LRRK1: variants seen among roughly 807,000 people sequenced by gnomAD.
LRRK1 encodes the protein leucine rich repeat kinase 1.
A neutral mutation model predicts 209.1 loss-of-function variants in LRRK1; 113 were observed. The ratio of observed to expected loss-of-function variants is 0.54; its 90% CI spans 0.46 to 0.63. The LOEUF is 0.63. Among genes scored for constraint, LRRK1 ranks in the 30% least tolerant of loss-of-function variants. The pLI, the probability that LRRK1 is intolerant of heterozygous loss-of-function variation, is 0.00. For synonymous variants in LRRK1, 1,144 were observed against 1,099.7 expected (o/e 1.04, Z -0.80); for missense variants, 2,284 against 2,632.2 (o/e 0.87, Z 2.89).
chr15:101,016,853 G>T (rs1159068067), intron 12 of LRRK1, among the ~76,000 whole-genome samples: 1 of 152,212 alleles, frequency 6.6e-6, no homozygotes, highest in African/African-American at 2.4e-5. Context: ...GGCCAAGGTT[G>T]CACAGGGGCT....
At chr15:100,972,935 C>CACACAT (rs1195197463) in intron 2 of LRRK1, among the ~76,000 whole-genome samples, 1 of 60,484 alleles carries the variant, frequency 1.7e-5, no homozygotes, top group African/African-American at 3.2e-5. Context: ...CACACACACA[C>CACACAT]ACCCAGTTTT....
chr15:101,058,061 C>T lies in LRRK1; in HGVS notation c.4599C>T (p.Cys1533=), dbSNP rs755860417. ...PTFATFMYEL[C]CGKQTAFFSS... is the part of the protein sequence containing the mutation. ...TTGCCACCTTCATGTATGAACTGTG[C>T]TGTGGGAAGCAGACAGCCTTCTTCT... The change falls in exon 29 of 34, where the codon TGC becomes TGT. Residue 1533 remains cysteine (C), a synonymous_variant. Coordinates refer to ENST00000388948, the MANE Select transcript of LRRK1 (RefSeq NM_024652.6). 4.8e-5 allele frequency: 78 copies of T among 1,614,060 alleles called. No individual in the cohort carries two copies. The highest frequency in any genetic ancestry group is 3.8e-4 in the Admixed American group (23 of 60,010).
chr15:101,051,186 G>A (rs1394238263), intron 23 of LRRK1, among the ~76,000 whole-genome samples: 1 of 152,260 alleles, frequency 6.6e-6, no homozygotes, highest in Non-Finnish European at 1.5e-5. Context: ...AGGGCATCTT[G>A]GAGGGTGTTT....
At position 101,069,742 on chromosome 15, in the gene LRRK1, T is replaced by C. The variant is rs1296040882; in HGVS notation, c.*894T>C. The C allele has an allele frequency of 6.5e-6, 1 of 152,796 alleles. No homozygotes were observed. Among genetic ancestry groups the C allele is most frequent in the Non-Finnish European group, 1.5e-5 (1 of 68,038 alleles). 9.5% of individuals were successfully genotyped at this position (152,796 alleles called of 1,614,324 possible). On this transcript the variant is annotated 3_prime_UTR_variant, in exon 34 of 34. Transcript: ENST00000388948. ...TCAGGCTTCTGGTTGTGAAATCACA[T>C]TGTATGGGATTTATACCAAATTATG...
chr15:100,993,432 C>T (rs2032256456), intron 6 of LRRK1, among the ~76,000 whole-genome samples: 1 of 152,264 alleles, frequency 6.6e-6, no homozygotes, highest in East Asian at 1.9e-4. Flanking sequence ...TTTTTAAAAT[C>T]TCATTCTTCT....
At chr15:101,016,146 T>C (rs917973351) in intron 12 of LRRK1, among the ~76,000 whole-genome samples, 6 of 151,972 alleles carry the variant, frequency 3.9e-5, no homozygotes, top group Non-Finnish European at 7.4e-5. Context: ...TGTGCCACCA[T>C]GCCTGGCTAA....
intron 26 of LRRK1, among the ~76,000 whole-genome samples, chr15:101,054,177 G>A (rs75782660): frequency 0.048 from 7,250 of 152,182 alleles, 213 homozygotes; most frequent in Non-Finnish European, 0.073. Flanking sequence ...CTTTCACCCT[G>A]TTGCCCAGGT....
intron 1 of LRRK1, among the ~76,000 whole-genome samples, chr15:100,921,229 G>A (rs2141587460): frequency 6.6e-6 from 1 of 152,294 alleles, no homozygotes; most frequent in South Asian, 2.1e-4. Context: ...TAGAGTGACT[G>A]GATGGGGAAT....
chr15:100,956,023 A>G (rs529071271), intron 2 of LRRK1, among the ~76,000 whole-genome samples: 16 of 152,156 alleles, frequency 1.1e-4, no homozygotes, highest in Non-Finnish European at 2.1e-4. Context: ...GAAAGTCTTT[A>G]TTGTCTTCAA....
At chr15:100,952,032 T>C (rs1216294956) in intron 2 of LRRK1, among the ~76,000 whole-genome samples, 3 of 151,660 alleles carry the variant, frequency 2.0e-5, no homozygotes, top group African/African-American at 7.3e-5. Flanking sequence ...TGCTACAACA[T>C]GAATAAGTCT....
At chr15:101,058,220 T>G in intron 29 of LRRK1, 79 bp downstream of exon 29, 1 of 1,417,288 alleles carries the variant, frequency 7.1e-7, no homozygotes, top group Non-Finnish European at 9.8e-7. Flanking sequence ...ACAGTCGATG[T>G]TGACCACAGT....
chr15:101,033,191 T>C (rs74247581), intron 20 of LRRK1, among the ~76,000 whole-genome samples: 14,738 of 152,214 alleles, frequency 0.097, 1,277 homozygotes, highest in East Asian at 0.44. Context: ...AGGTGAGTAG[T>C]TTTTACATGT....
In LRRK1 at chr15:100,980,604, A is replaced by G. The variant is rs181812513; in HGVS notation, c.262-2924A>G. 1.0e-3 allele frequency among the ~76,000 whole-genome samples: 153 copies of G among 152,336 alleles called. 1 individual carries two copies. Among genetic ancestry groups the G allele is most frequent in the Non-Finnish European group, 1.4e-3 (92 of 68,024 alleles). ...GTATCTTGCTACAATTATGTAACATATTGCCATCGGGGGAAACTGGATGAA... is the reference window on the plus strand; with the variant it reads ...GTATCTTGCTACAATTATGTAACATGTTGCCATCGGGGGAAACTGGATGAA... On this transcript the variant is annotated intron_variant, in intron 3 of 33. Transcript: ENST00000388948.
At chr15:100,996,951 G>A (rs768359961) in intron 6 of LRRK1, among the ~76,000 whole-genome samples, 1 of 152,214 alleles carries the variant, frequency 6.6e-6, no homozygotes, top group Non-Finnish European at 1.5e-5. Context: ...AGCCAAGGCT[G>A]TGAGAACTGT....
intron 2 of LRRK1, among the ~76,000 whole-genome samples, chr15:100,948,198 C>G (rs1396388025): frequency 6.6e-6 from 1 of 152,244 alleles, no homozygotes; most frequent in African/African-American, 2.4e-5. Flanking sequence ...GTTTCTGAGT[C>G]TGTCTTCCTC....
At position 101,036,052 on chromosome 15, in the gene LRRK1, A is replaced by C. The variant is rs112312859; in HGVS notation, c.2963+6820A>C. Among the ~76,000 whole-genome samples, 994 of 152,262 alleles carry C rather than the reference A, an allele frequency of 6.5e-3. 10 individuals are homozygous for C. Among genetic ancestry groups the C allele is most frequent in the African/African-American group, 0.023 (935 of 41,528 alleles). ...CTTTGACTTTAGACAACTTGACTAT[A>C]ATGTGCCATGGAGAAGACCTTCTTG... On this transcript the variant is annotated intron_variant, in intron 20 of 33. Coordinates refer to ENST00000388948, the MANE Select transcript of LRRK1 (RefSeq NM_024652.6).
Position 101,012,092 on chromosome 15 carries a change from G to T in LRRK1, c.1366G>T (p.Asp456Tyr). Reference protein sequence around the residue: ...VFWKNHLKDVDFSENALKEVP... With the variant: ...VFWKNHLKDVYFSENALKEVP... Reference sequence around the variant, plus strand: ...TTGGAAAAATCACCTGAAGGATGTGGATTTCTCAGAAAACGCACTCAAAGA... The same window carrying T: ...TTGGAAAAATCACCTGAAGGATGTGTATTTCTCAGAAAACGCACTCAAAGA... The change falls in exon 10 of 34, where the codon GAT becomes TAT. Residue 456 changes from aspartate (D) to tyrosine (Y), a missense_variant. Physicochemically the swap from Asp to Tyr is radical, Grantham distance 160 (BLOSUM62 -3). Around this residue, in one of 6 missense-constraint regions of LRRK1, gnomAD observed 494 missense variants for 522.1 expected, o/e 0.95. Coordinates refer to ENST00000388948, the MANE Select transcript of LRRK1 (RefSeq NM_024652.6). The T allele has an allele frequency of 6.2e-7, 1 of 1,613,324 alleles. No homozygotes were observed. The highest frequency in any genetic ancestry group is 1.1e-5 in the South Asian group (1 of 90,788).
intron 2 of LRRK1, among the ~76,000 whole-genome samples, chr15:100,973,074 G>T (rs1457514022): frequency 6.6e-6 from 1 of 152,182 alleles, no homozygotes; most frequent in Non-Finnish European, 1.5e-5. Flanking sequence ...CCTTTCCCTC[G>T]GCTCCTCCTG....
intron 2 of LRRK1, among the ~76,000 whole-genome samples, chr15:100,931,365 C>T (rs1003330413): frequency 6.6e-6 from 1 of 152,170 alleles, no homozygotes; most frequent in Non-Finnish European, 1.5e-5. Context: ...ACAAAAATAA[C>T]TTACGTGACA....
Sources: gnomAD v4.1 joint callset for allele counts (sites outside exome capture counted in the v4.1 genomes callset) on GRCh38, gnomAD v4.1.1 for gene constraint, gnomAD v4.1.1 regional missense constraint, MANE v1.5 for transcripts, NCBI Gene and HGNC (gene_info 2026-07-23, HGNC 2026-07-21) for gene names.